Variants in DRD3 observed in about 807,000 individuals in gnomAD.
DRD3 encodes D(3) dopamine receptor.
DRD3 carries 19 observed loss-of-function variants against 36.3 expected under a neutral mutation model. The ratio of observed to expected loss-of-function variants is 0.52; its 90% CI spans 0.36 to 0.77. DRD3 has a LOEUF of 0.77. Ranked by LOEUF, DRD3 falls within the 30% of genes least tolerant of loss-of-function variation. DRD3 has a pLI of 0.00. For synonymous variants in DRD3, 195 were observed against 203.7 expected (o/e 0.96, Z 0.36); for missense variants, 465 against 505.3 (o/e 0.92, Z 0.77).
chr3:114,168,384 C>T (rs553017414), intron 2 of DRD3, among the ~76,000 whole-genome samples: 7 of 152,302 alleles, frequency 4.6e-5, no homozygotes, highest in Non-Finnish European at 7.4e-5. Flanking sequence ...TTATTGCCTA[C>T]GTCAGAGCAA....
At chr3:114,186,168 A>T (rs928680489) in intron 1 of DRD3, among the ~76,000 whole-genome samples, 1 of 152,152 alleles carries the variant, frequency 6.6e-6, no homozygotes, top group Non-Finnish European at 1.5e-5. Flanking sequence ...CTAGTCTTTA[A>T]TGTCTGACTT....
intron 2 of DRD3, among the ~76,000 whole-genome samples, chr3:114,168,430 C>T (rs560369118): frequency 2.0e-5 from 3 of 152,206 alleles, no homozygotes; most frequent in South Asian, 4.1e-4. Flanking sequence ...ATAAAACACA[C>T]GTTTTCATTT....
intron 1 of DRD3, among the ~76,000 whole-genome samples, 192 bp downstream of exon 1, chr3:114,178,465 T>C (rs1577626727): frequency 1.3e-5 from 2 of 152,208 alleles, no homozygotes; most frequent in South Asian, 4.1e-4. Context: ...GAAAAAGGAA[T>C]ATAAAAGGTT....
intron 2 of DRD3, among the ~76,000 whole-genome samples, chr3:114,164,796 G>A (rs540974745): frequency 7.6e-4 from 115 of 152,132 alleles, no homozygotes; most frequent in African/African-American, 2.8e-3. Flanking sequence ...GCTGTCGCCC[G>A]GCTGGAGTGC....
intron 1 of DRD3, among the ~76,000 whole-genome samples, chr3:114,194,092 C>T (rs929978985): frequency 5.9e-5 from 9 of 152,196 alleles, no homozygotes; most frequent in Admixed American, 2.0e-4. Context: ...TCCCTGCTTA[C>T]CTCTAGGACT....
chr3:114,195,036 C>T (rs1248295845), intron 1 of DRD3, among the ~76,000 whole-genome samples: 1 of 152,138 alleles, frequency 6.6e-6, no homozygotes, highest in East Asian at 1.9e-4. Flanking sequence ...ATCTACTCAT[C>T]AGTGATTTTC....
chr3:114,135,861 T>C (rs2107833900), intron 5 of DRD3, among the ~76,000 whole-genome samples: 1 of 152,270 alleles, frequency 6.6e-6, no homozygotes, highest in South Asian at 2.1e-4. Flanking sequence ...GGCTAATTTT[T>C]GTATTTTTTT....
At chr3:114,180,103 C>T (rs577067495), upstream of DRD3, among the ~76,000 whole-genome samples, 6 of 152,110 alleles carry the variant, frequency 3.9e-5, no homozygotes, top group Non-Finnish European at 7.4e-5. Flanking sequence ...ATGGTATAGT[C>T]TTCCAAAAGA....
intron 5 of DRD3, among the ~76,000 whole-genome samples, chr3:114,137,870 C>T (rs950801215): frequency 4.0e-5 from 6 of 149,798 alleles, no homozygotes; most frequent in Non-Finnish European, 4.4e-5. Context: ...TGATGGTGGG[C>T]GCCTGTAGTC....
intron 5 of DRD3, among the ~76,000 whole-genome samples, chr3:114,137,773 C>A (rs138795988): frequency 6.6e-6 from 1 of 151,142 alleles, no homozygotes; most frequent in Non-Finnish European, 1.5e-5. Flanking sequence ...GTGCGGATCA[C>A]GAGGTCAGGA....
At chr3:114,131,626 C>T (rs923035751) in intron 5 of DRD3, among the ~76,000 whole-genome samples, 1 of 152,144 alleles carries the variant, frequency 6.6e-6, no homozygotes, top group Admixed American at 6.6e-5. Flanking sequence ...TCAGAGTGAA[C>T]AGGCAGCCTA....
intron 1 of DRD3, among the ~76,000 whole-genome samples, chr3:114,186,529 A>T (rs2077976748): frequency 6.6e-6 from 1 of 152,194 alleles, no homozygotes; most frequent in African/African-American, 2.4e-5. Flanking sequence ...AATCTCTGTG[A>T]TCAGAAGGAG....
At chr3:114,152,445 T>C (rs936795800) in intron 3 of DRD3, among the ~76,000 whole-genome samples, 2 of 152,250 alleles carry the variant, frequency 1.3e-5, no homozygotes, top group African/African-American at 4.8e-5. Context: ...AAGATTTTTG[T>C]TCACTTGGAT....
intron 4 of DRD3, among the ~76,000 whole-genome samples, chr3:114,141,457 T>A (rs1310187574): frequency 6.6e-6 from 1 of 152,200 alleles, no homozygotes; most frequent in Non-Finnish European, 1.5e-5. Flanking sequence ...AATATTTATT[T>A]ATTTATTATT....
At chr3:114,188,201 T>C (rs919026398) in intron 1 of DRD3, among the ~76,000 whole-genome samples, 8 of 149,898 alleles carry the variant, frequency 5.3e-5, no homozygotes, top group Admixed American at 5.3e-4. Flanking sequence ...TCAACATTTC[T>C]TTTTTTCCCT....
chr3:114,147,230 G>C lies in DRD3; in HGVS notation c.526+185C>G, dbSNP rs184395397. ...TACCCCCTGTGCCAATAATTGATGA[G>C]GTTTTGCTTTATATTTTATTTATAA... On this transcript the variant is annotated intron_variant, in intron 4 of 6. Coordinates refer to ENST00000383673, the MANE Select transcript of DRD3 (RefSeq NM_000796.6). Among the ~76,000 whole-genome samples the C allele has an allele frequency of 3.9e-5, 6 of 151,974 alleles. No individual in the cohort carries two copies. The East Asian group carries it at 1.2e-3, about 29-fold the overall frequency.
intron 1 of DRD3, among the ~76,000 whole-genome samples, chr3:114,194,961 C>T (rs1350131533): frequency 1.3e-5 from 2 of 152,078 alleles, no homozygotes; most frequent in South Asian, 2.1e-4. Flanking sequence ...TCCAGACTTA[C>T]GGGAAGCTTG....
chr3:114,191,363 G>A lies in DRD3; in HGVS notation c.-156+7910C>T, dbSNP rs73856265. Among the ~76,000 whole-genome samples the A allele has an allele frequency of 1.6e-4, 24 of 150,464 alleles. No individual in the cohort carries two copies. In the East Asian group the frequency reaches 4.6e-3, roughly 29 times the overall value. ...ACAAGGGGCAGCCAACCATGCAAAG[G>A]TCAGTGGGAAGAGTATTCCCAGCTG... On this transcript the variant is annotated intron_variant, in intron 1 of 7. Transcript: ENST00000460779.
chr3:114,143,577 G>A (rs2077545709), intron 4 of DRD3, among the ~76,000 whole-genome samples: 1 of 152,210 alleles, frequency 6.6e-6, no homozygotes, highest in South Asian at 2.1e-4. Context: ...ACCCCAGCTT[G>A]ATTCCAAAGA....
Sources: allele counts gnomAD v4.1 joint callset (sites outside exome capture counted in the v4.1 genomes callset), GRCh38; gene constraint gnomAD v4.1.1; transcripts MANE v1.5; gene names NCBI Gene and HGNC (gene_info 2026-07-23, HGNC 2026-07-21).